Variants in CHCHD5 observed in about 807,000 individuals in gnomAD.
CHCHD5 encodes the protein coiled-coil-helix-coiled-coil-helix domain-containing protein 5.
CHCHD5 carries 10 observed loss-of-function variants against 16.0 expected under a neutral mutation model. The ratio of observed to expected loss-of-function variants is 0.63; its 90% CI spans 0.39 to 1.06. CHCHD5 has a LOEUF of 1.06. CHCHD5 is among the 50% of genes least tolerant of loss of function. CHCHD5 has a pLI of 0.01. For missense variants in CHCHD5, 163 were observed against 153.4 expected, an observed-to-expected ratio of 1.06 and a Z score of -0.33; for synonymous variants, 55 against 56.3, an observed-to-expected ratio of 0.98 and a Z score of 0.10.
chr2:112,584,730 C>A, intron 1 of CHCHD5, 81 bp downstream of exon 1: 1 of 1,537,100 alleles, frequency 6.5e-7, no homozygotes. Flanking sequence ...TCTAGGACCT[C>A]GGGAACTAGG....
Position 112,585,953 on chromosome 2 carries a change from TCAGCC to T in CHCHD5, c.3-18_3-14del. 1 of 1,608,710 alleles carries T rather than the reference TCAGCC, an allele frequency of 6.2e-7. No individual in the cohort carries two copies. Among genetic ancestry groups the T allele is most frequent in the Non-Finnish European group, 8.5e-7 (1 of 1,176,634 alleles). Reference sequence around the variant, plus strand: ...GCTTGCCTACTGCCTGGAATGATCCTCAGCCCATCCTGTCCCACAGGCAGGCGGCC... The same window carrying T: ...GCTTGCCTACTGCCTGGAATGATCCTCATCCTGTCCCACAGGCAGGCGGCC... On this transcript the variant is annotated splice_polypyrimidine_tract_variant and intron_variant, in intron 1 of 3. Transcript: ENST00000324913.
rs764348810 is a variant in CHCHD5 at position 112,586,097 on chromosome 2, C to T, written c.126C>T (p.Ala42=). The T allele has an allele frequency of 1.2e-6, 2 of 1,614,142 alleles. No individual in the cohort carries two copies. Among genetic ancestry groups the T allele is most frequent in the Admixed American group, 1.7e-5 (1 of 60,032 alleles). Residue 42 remains alanine (A), a synonymous_variant, in exon 2 of 4, where the codon GCC becomes GCT. Transcript: ENST00000324913. ...RDCHYLKMSI[A]QCTSSHPIIR... is the part of the protein sequence containing the mutation. ...GTCACTACCTTAAGATGAGCATTGC[C>T]CAGTGCACATCCTCCCAGTGAGTGC...
rs771251763 is a variant in CHCHD5, at chr2:112,586,301, A to G, written c.245A>G (p.His82Arg). Residue 82 changes from histidine to arginine, a missense_variant, in exon 3 of 4, where the codon CAT (histidine) becomes CGT (arginine). Physicochemically the swap from His to Arg is conservative, Grantham distance 29 (BLOSUM62 0). Coordinates refer to ENST00000324913, the MANE Select transcript of CHCHD5 (RefSeq NM_032309.4). The stretch of plus-strand genomic sequence containing the variant: ...GCAGCTGTGGGCAACTGTGCAGAGC[A>G]TATGCGCCGCTTCCTGCAGTGCGCT... Reference protein sequence around the residue: ...NEAAVGNCAEHMRRFLQCAEQ... With the variant: ...NEAAVGNCAERMRRFLQCAEQ... 4.3e-6 allele frequency: 7 copies of G among 1,614,244 alleles called. No individual in the cohort carries two copies. In the East Asian group the frequency reaches 1.1e-4, roughly 26 times the overall value.
Position 112,588,903 on chromosome 2 carries a change from G to T in CHCHD5, c.*14G>T. 6.2e-7 allele frequency: 1 copy of T among 1,606,854 alleles called. No individual in the cohort carries two copies. The highest frequency in any genetic ancestry group is 8.5e-7 in the Non-Finnish European group (1 of 1,173,898). ...CCTGCCTCCTGAGGACTCCTCTGAC[G>T]GCAGGAAAACTGGACATGAATGACT... On this transcript the variant is annotated 3_prime_UTR_variant, in exon 4 of 4. Coordinates refer to ENST00000324913, the MANE Select transcript of CHCHD5 (RefSeq NM_032309.4).
Position 112,589,031 on chromosome 2 carries a change from G to A in CHCHD5, c.*142G>A, listed in dbSNP as rs1181750945. 9.3e-6 allele frequency: 6 copies of A among 648,312 alleles called. No homozygotes were observed. Among genetic ancestry groups the A allele is most frequent in the Non-Finnish European group, 1.4e-5 (5 of 362,802 alleles). 40.2% of individuals were successfully genotyped at this position (648,312 alleles called of 1,614,324 possible). A position where few individuals can be genotyped will look rare whatever the true frequency, so the allele number is the denominator to read the frequency against. ...AGGACTTCCAATAAATAAAGACTCT[G>A]TATACTGGGCTTTGATTCCTGCCAT... On this transcript the variant is annotated 3_prime_UTR_variant, in exon 4 of 4. Transcript: ENST00000324913.
chr2:112,585,403 C>T (rs1271523715), intron 1 of CHCHD5, among the ~76,000 whole-genome samples: 2 of 152,184 alleles, frequency 1.3e-5, no homozygotes, highest in Non-Finnish European at 2.9e-5. Flanking sequence ...ATTTCAAGGC[C>T]TGTCTTCTAG....
rs1558674546 is a variant in CHCHD5 at position 112,588,882 on chromosome 2, C to T, written c.326C>T (p.Ala109Val). 1.2e-6 allele frequency: 2 copies of T among 1,611,550 alleles called. No homozygotes were observed. Among genetic ancestry groups the T allele is most frequent in the Non-Finnish European group, 1.7e-6 (2 of 1,177,922 alleles). The change falls in exon 4 of 4, where the codon GCC (alanine) becomes GTC (valine). Residue 109 changes from alanine (A) to valine (V), a missense_variant. By Grantham distance (64) the Ala-to-Val change is moderately conservative. Transcript: ENST00000324913. ...TCTCCACAGGCACAGCCACTTCCTGCCTCCTGAGGACTCCTCTGACGGCAG... is the reference window on the plus strand; with the variant it reads ...TCTCCACAGGCACAGCCACTTCCTGTCTCCTGAGGACTCCTCTGACGGCAG... ...PATVEAQPLP[A>V]S
chr2:112,584,859 G>A, intron 1 of CHCHD5: 1 of 609,292 alleles, frequency 1.6e-6, no homozygotes, highest in Non-Finnish European at 2.9e-6. Context: ...GCCCCCTCTC[G>A]CGCTGCTTAG....
chr2:112,584,789 T>TCGCTCACGAGCTCCAACCCTC, intron 1 of CHCHD5, 140 bp downstream of exon 1: 1 of 1,034,084 alleles, frequency 9.7e-7, no homozygotes, highest in Middle Eastern at 2.0e-4. Context: ...TTCAGCGCCT[T>TCGCTCACGAGCTCCAACCCTC]CGCTCACGAG....
At chr2:112,586,652 T>C (rs758629584) in intron 3 of CHCHD5, 1 of 1,429,014 alleles carries the variant, frequency 7.0e-7, no homozygotes, top group East Asian at 2.5e-5. Context: ...TGGGTGAGCA[T>C]GTAAGGACTG....
At chr2:112,584,550 G>A (rs757296407), upstream of CHCHD5, 105 of 1,537,432 alleles carry the variant, frequency 6.8e-5, no homozygotes, top group Non-Finnish European at 9.2e-5. Flanking sequence ...ATTGGCTACC[G>A]GAAAAAACCA....
At chr2:112,587,763 A>G (rs893886963) in intron 3 of CHCHD5, 9 of 152,226 alleles carry the variant, frequency 5.9e-5, no homozygotes, top group African/African-American at 2.2e-4. Context: ...AAGGAACTTA[A>G]TTCTCCTCAG....
rs776466292 is a variant in CHCHD5, at chr2:112,584,623, G to A, written c.-25G>A. ...AAAGGCGGGTCGTTCCCCCCGGACA[G>A]CCCTACGCCGGCAAAGGTCTCGAGA... On this transcript the variant is annotated 5_prime_UTR_variant, in exon 1 of 4. Transcript: ENST00000324913. 4 of 1,611,886 alleles carry A rather than the reference G, an allele frequency of 2.5e-6. No individual in the cohort carries two copies. The highest frequency in any genetic ancestry group is 3.4e-6 in the Non-Finnish European group (4 of 1,179,950).
chr2:112,585,619 C>T (rs775807479), intron 1 of CHCHD5, among the ~76,000 whole-genome samples: 1 of 152,200 alleles, frequency 6.6e-6, no homozygotes, highest in African/African-American at 2.4e-5. Flanking sequence ...CCTTTCTTTG[C>T]GGAGCACCAT....
rs757158404 is a variant in CHCHD5, at chr2:112,586,507, A to G, written c.309+142A>G. The G allele has an allele frequency of 2.2e-5, 34 of 1,552,512 alleles. No individual in the cohort carries two copies. In the South Asian group the frequency reaches 3.8e-4, roughly 17 times the overall value. On this transcript the variant is annotated intron_variant, in intron 3 of 3. Coordinates refer to ENST00000324913, the MANE Select transcript of CHCHD5 (RefSeq NM_032309.4). Reference sequence around the variant, plus strand: ...CCTTTGCCATGCATCCAGAATCCAGAACATCATCACTTCTTGCCCCATATA... The same window carrying G: ...CCTTTGCCATGCATCCAGAATCCAGGACATCATCACTTCTTGCCCCATATA...
intron 3 of CHCHD5, chr2:112,586,694 C>A: frequency 8.4e-7 from 1 of 1,184,650 alleles, no homozygotes. Flanking sequence ...ATGCTTAAAG[C>A]TCTCCAGTGG....
intron 3 of CHCHD5, chr2:112,587,232 G>C (rs1159568246): frequency 6.6e-6 from 1 of 152,204 alleles, no homozygotes; most frequent in Non-Finnish European, 1.5e-5. Flanking sequence ...GAGGAAATCT[G>C]ACCATGTTCT....
chr2:112,586,324 G>A lies in CHCHD5; in HGVS notation c.268G>A (p.Ala90Thr), dbSNP rs754760269. The change falls in exon 3 of 4, where the codon GCT (alanine) becomes ACT (threonine). Residue 90 changes from alanine to threonine, a missense_variant. Physicochemically the swap from Ala to Thr is moderately conservative, Grantham distance 58. Coordinates refer to ENST00000324913, the MANE Select transcript of CHCHD5 (RefSeq NM_032309.4). ...AEHMRRFLQC[A>T]EQVQPPRSPA... is the part of the protein sequence containing the mutation. Reference sequence around the variant, plus strand: ...GCATATGCGCCGCTTCCTGCAGTGCGCTGAGCAGGTGCAGCCGCCACGCTC... The same window carrying A: ...GCATATGCGCCGCTTCCTGCAGTGCACTGAGCAGGTGCAGCCGCCACGCTC... 8.7e-6 allele frequency: 14 copies of A among 1,614,256 alleles called. No homozygotes were observed. Among genetic ancestry groups the A allele is most frequent in the South Asian group, 7.7e-5 (7 of 91,092 alleles).
intron 3 of CHCHD5, chr2:112,586,704 G>A: frequency 8.9e-7 from 1 of 1,118,134 alleles, no homozygotes; most frequent in Non-Finnish European, 1.2e-6. Context: ...CTCTCCAGTG[G>A]CTTTGTGTCA....
Sources: gnomAD v4.1 joint callset for allele counts (sites outside exome capture counted in the v4.1 genomes callset) on GRCh38, gnomAD v4.1.1 for gene constraint, MANE v1.5 for transcripts, NCBI Gene and HGNC (gene_info 2026-07-23, HGNC 2026-07-21) for gene names.